OPCML: variants seen among roughly 807,000 people sequenced by gnomAD.
OPCML encodes the protein opioid-binding protein/cell adhesion molecule.
OPCML carries 13 observed loss-of-function variants against 37.8 expected under a neutral mutation model. The ratio of observed to expected loss-of-function variants is 0.34; its 90% CI spans 0.22 to 0.55. The LOEUF (loss-of-function observed/expected upper bound fraction) is 0.55. Among genes scored for constraint, OPCML ranks in the 20% least tolerant of loss-of-function variants. The probability of loss-of-function intolerance (pLI) is 0.91; values close to 1 mark genes in which losing one functional copy is unlikely to be tolerated. For missense variants in OPCML, 341 were observed against 435.6 expected (o/e 0.78, Z 1.93); for synonymous variants, 176 against 168.8 (o/e 1.04, Z -0.33).
intron 1 of OPCML, among the ~76,000 whole-genome samples, chr11:132,968,448 T>A (rs1946263748): frequency 6.6e-6 from 1 of 152,214 alleles, no homozygotes; most frequent in African/African-American, 2.4e-5. Context: ...CTTGGATCTC[T>A]CTTCCTCCTT....
intron 1 of OPCML, among the ~76,000 whole-genome samples, chr11:133,248,669 C>T (rs750358525): frequency 3.9e-5 from 6 of 152,034 alleles, no homozygotes; most frequent in Non-Finnish European, 8.8e-5. Flanking sequence ...GGTAAGTAGT[C>T]CTAAGATGGA....
At chr11:133,226,247 G>A (rs1348950304) in intron 1 of OPCML, among the ~76,000 whole-genome samples, 5 of 152,286 alleles carry the variant, frequency 3.3e-5, no homozygotes, top group African/African-American at 4.8e-5. Flanking sequence ...AGGCACTGGA[G>A]TAGACTTGGA....
intron 4 of OPCML, among the ~76,000 whole-genome samples, chr11:132,518,574 C>G (rs991330275): frequency 6.6e-6 from 1 of 152,194 alleles, no homozygotes; most frequent in Admixed American, 6.5e-5. Context: ...TTCTACTCAG[C>G]CCAGCCTCAA....
chr11:133,468,566 C>A (rs1273315240), intron 1 of OPCML, among the ~76,000 whole-genome samples: 1 of 152,178 alleles, frequency 6.6e-6, no homozygotes. Context: ...CTCTCAGAAC[C>A]AGATTTAAAA....
At chr11:133,525,008 A>T (rs970306204) in intron 1 of OPCML, among the ~76,000 whole-genome samples, 2 of 152,154 alleles carry the variant, frequency 1.3e-5, no homozygotes, top group African/African-American at 2.4e-5. Context: ...GCTCTCTCCC[A>T]CCCGTGCTAG....
intron 1 of OPCML, among the ~76,000 whole-genome samples, chr11:132,968,070 CA>C (rs1237951972): frequency 2.0e-5 from 3 of 152,134 alleles, no homozygotes; most frequent in Non-Finnish European, 4.4e-5. Context: ...GTGGATTTGA[CA>C]AATATATATC....
At chr11:132,896,188 G>C (rs918648341) in intron 2 of OPCML, among the ~76,000 whole-genome samples, 1 of 152,168 alleles carries the variant, frequency 6.6e-6, no homozygotes, top group South Asian at 2.1e-4. Flanking sequence ...CAGAGGAAGG[G>C]ATTCAAAGGC....
intron 1 of OPCML, among the ~76,000 whole-genome samples, chr11:133,363,748 A>G (rs1011015896): frequency 2.0e-5 from 3 of 152,152 alleles, no homozygotes; most frequent in Admixed American, 2.0e-4. Context: ...CACGACCCCC[A>G]AAGGTCAGTG....
chr11:132,736,094 T>C (rs1945246551), intron 2 of OPCML, among the ~76,000 whole-genome samples: 1 of 152,198 alleles, frequency 6.6e-6, no homozygotes, highest in South Asian at 2.1e-4. Flanking sequence ...CTCCTATGTA[T>C]ATCCTGTTGT....
chr11:132,774,604 A>G (rs1432237767), intron 2 of OPCML, among the ~76,000 whole-genome samples: 1 of 152,226 alleles, frequency 6.6e-6, no homozygotes, highest in Non-Finnish European at 1.5e-5. Context: ...CTGCATGAGC[A>G]TGTTGCACAA....
At chr11:132,872,693 T>C (rs1213012681) in intron 2 of OPCML, among the ~76,000 whole-genome samples, 1 of 152,318 alleles carries the variant, frequency 6.6e-6, no homozygotes, top group East Asian at 1.9e-4. Flanking sequence ...TGTCTGACTC[T>C]AGAAAATTAT....
Position 132,766,099 on chromosome 11 carries a change from T to TTA in OPCML, c.147-108781_147-108780insTA, listed in dbSNP as rs200072283. ...ATGTCATGGTCCCATGCTTATAATTTAAAAAAAAAAAACTAAATAAATGTT... is the reference window on the plus strand; with the variant it reads ...ATGTCATGGTCCCATGCTTATAATTTTAAAAAAAAAAAAACTAAATAAATGTT... On this transcript the variant is annotated intron_variant, in intron 2 of 7. Transcript: ENST00000524381. 1.5e-4 allele frequency among the ~76,000 whole-genome samples: 22 copies of TTA among 148,876 alleles called. No individual in the cohort carries two copies. The East Asian group carries it at 3.1e-3, about 21-fold the overall frequency.
intron 2 of OPCML, among the ~76,000 whole-genome samples, chr11:132,861,526 T>C (rs896958132): frequency 6.6e-6 from 1 of 152,224 alleles, no homozygotes; most frequent in Admixed American, 6.5e-5. Context: ...GCACAGTGTA[T>C]GAGATCCACT....
intron 1 of OPCML, among the ~76,000 whole-genome samples, chr11:133,167,211 C>T (rs1950219649): frequency 6.6e-6 from 1 of 152,164 alleles, no homozygotes; most frequent in Admixed American, 6.5e-5. Flanking sequence ...GCTTCCTCAT[C>T]CCATTGGGTC....
chr11:133,508,041 G>A (rs1399034730), intron 1 of OPCML, among the ~76,000 whole-genome samples: 4 of 152,082 alleles, frequency 2.6e-5, no homozygotes, highest in African/African-American at 7.2e-5. Context: ...TACCAGGGAA[G>A]CTTTTCAAAA....
At chr11:133,087,383 G>T (rs1948832798) in intron 1 of OPCML, among the ~76,000 whole-genome samples, 2 of 152,146 alleles carry the variant, frequency 1.3e-5, no homozygotes, top group South Asian at 4.1e-4. Context: ...AAATGACCCA[G>T]TCACCAGGTA....
intron 1 of OPCML, among the ~76,000 whole-genome samples, chr11:133,416,238 G>A (rs1481114418): frequency 6.6e-6 from 1 of 151,982 alleles, no homozygotes; most frequent in Non-Finnish European, 1.5e-5. Flanking sequence ...ATAATTGATG[G>A]ACCATACACA....
intron 4 of OPCML, among the ~76,000 whole-genome samples, chr11:132,480,865 T>G (rs1592240798): frequency 6.6e-6 from 1 of 152,128 alleles, no homozygotes. Context: ...AGCTCCTGAA[T>G]GAAGCGCTAA....
chr11:133,023,144 C>G (rs1249122202), intron 1 of OPCML, among the ~76,000 whole-genome samples: 3 of 152,212 alleles, frequency 2.0e-5, no homozygotes, highest in African/African-American at 7.2e-5. Flanking sequence ...TTGTAGGACT[C>G]AGTGCCATAA....
Sources: allele counts gnomAD v4.1 joint callset (sites outside exome capture counted in the v4.1 genomes callset), GRCh38; gene constraint gnomAD v4.1.1; transcripts MANE v1.5; gene names NCBI Gene and HGNC (gene_info 2026-07-23, HGNC 2026-07-21).